Variants in NBEAL1 observed in about 807,000 individuals in gnomAD.
NBEAL1 encodes the protein neurobeachin-like protein 1.
A neutral mutation model predicts 351.3 loss-of-function variants in NBEAL1; 273 were observed. The observed-to-expected ratio is 0.78, with a 90% CI of 0.70 to 0.86. NBEAL1 has a LOEUF of 0.86. NBEAL1 is among the 40% of genes least tolerant of loss of function. The pLI, the probability that NBEAL1 is intolerant of heterozygous loss-of-function variation, is 0.00. For synonymous variants in NBEAL1, 1,050 were observed against 1,086.4 expected (o/e 0.97, Z 0.66); for missense variants, 2,961 against 3,201.3 (o/e 0.92, Z 1.81).
intron 7 of NBEAL1, among the ~76,000 whole-genome samples, chr2:203,076,874 G>A (rs1409815250): frequency 6.6e-6 from 1 of 151,836 alleles, no homozygotes; most frequent in African/African-American, 2.4e-5. Flanking sequence ...TTACAGGCAT[G>A]AGCCACTGCG....
intron 46 of NBEAL1, among the ~76,000 whole-genome samples, chr2:203,192,707 C>T (rs2065125458): frequency 6.6e-6 from 1 of 152,056 alleles, no homozygotes; most frequent in Non-Finnish European, 1.5e-5. Context: ...TATTTTAGTA[C>T]TTACAGCTTT....
At chr2:203,165,791 C>G (rs1023630342) in intron 36 of NBEAL1, among the ~76,000 whole-genome samples, 2 of 151,978 alleles carry the variant, frequency 1.3e-5, no homozygotes, top group Non-Finnish European at 2.9e-5. Flanking sequence ...GCATATTATC[C>G]CAGCAGTTTG....
At chr2:203,049,323 C>T (rs1179565968) in intron 3 of NBEAL1, among the ~76,000 whole-genome samples, 1 of 152,162 alleles carries the variant, frequency 6.6e-6, no homozygotes, top group East Asian at 1.9e-4. Flanking sequence ...TCCAAAAGTG[C>T]TGGGATTACA....
Position 203,056,466 on chromosome 2 carries a change from CATTA to C in NBEAL1, c.350_353del (p.Asn117MetfsTer5), listed in dbSNP as rs965136862. ...TGGAAGAAATTGGGACTTGCTCGTA[CATTA>C]ATTATGTCATCACCATGACAACACT... On this transcript the variant is annotated frameshift_variant, in exon 5 of 56. Coordinates refer to ENST00000683969, the MANE Select transcript of NBEAL1 (RefSeq NM_001378026.1). LOFTEE classifies it high-confidence loss of function. The C allele has an allele frequency of 1.7e-5, 27 of 1,550,708 alleles. No homozygotes were observed. Among genetic ancestry groups the C allele is most frequent in the Admixed American group, 1.4e-4 (7 of 50,964 alleles).
In NBEAL1 at chr2:203,218,104, G is replaced by A. The variant is rs2065916980; in HGVS notation, c.*750G>A. On this transcript the variant is annotated 3_prime_UTR_variant, in exon 56 of 56. Transcript: ENST00000683969. The stretch of plus-strand genomic sequence containing the variant: ...AGCATTTGCAGCACAATTTGCATTT[G>A]CAAAGTTCCGAATTTCTTGACTCTT... 7.9e-6 allele frequency: 2 copies of A among 251,840 alleles called. No individual in the cohort carries two copies. The highest frequency in any genetic ancestry group is 1.3e-5 in the Non-Finnish European group (2 of 159,474). 15.6% of individuals were successfully genotyped at this position (251,840 alleles called of 1,614,324 possible).
rs769244701 is a variant in NBEAL1 at position 203,078,238 on chromosome 2, GTA to G, written c.684+405_684+406del. ...TAATACTAAATGTATTTTTGTAAGT[GTA>G]TATGTTTTTTTTTCAACAAATCCAA... On this transcript the variant is annotated intron_variant, in intron 8 of 55. Transcript: ENST00000683969. 1.1e-4 allele frequency among the ~76,000 whole-genome samples: 16 copies of G among 151,900 alleles called. No individual in the cohort carries two copies. The East Asian group carries it at 2.7e-3, about 26-fold the overall frequency.
rs954514814 is a variant in NBEAL1, at chr2:203,220,903, G to A, written c.*3549G>A. ...CTGTTAACTTTGTTTAGGTCACAGT[G>A]CAGTGCATCCTTTTGTAGAAGAAAA... On this transcript the variant is annotated 3_prime_UTR_variant, in exon 56 of 56. Transcript: ENST00000683969. Among the ~76,000 whole-genome samples the A allele has an allele frequency of 6.6e-6, 1 of 152,150 alleles. No individual in the cohort carries two copies. The highest frequency in any genetic ancestry group is 2.4e-5 in the African/African-American group (1 of 41,440).
At position 203,067,057 on chromosome 2, in the gene NBEAL1, G is replaced by A. The variant is rs1378829242; in HGVS notation, c.516-1336G>A. Among the ~76,000 whole-genome samples the A allele has an allele frequency of 3.4e-5, 5 of 147,810 alleles. No individual in the cohort carries two copies. The East Asian group carries it at 8.1e-4, about 24-fold the overall frequency. The stretch of plus-strand genomic sequence containing the variant: ...ACCTCCCAGAAGGGGCGGCCGGGCA[G>A]AGGCACCCACTTCCCAGACAGGGCA... On this transcript the variant is annotated intron_variant, in intron 6 of 55. Coordinates refer to ENST00000683969, the MANE Select transcript of NBEAL1 (RefSeq NM_001378026.1).
intron 23 of NBEAL1, among the ~76,000 whole-genome samples, chr2:203,127,197 T>TA (rs2062957999): frequency 6.6e-6 from 1 of 152,238 alleles, no homozygotes; most frequent in Non-Finnish European, 1.5e-5. Flanking sequence ...AGAAAACTGT[T>TA]ACCTCCTTTG....
chr2:203,137,741 T>A (rs2063251380), intron 29 of NBEAL1, among the ~76,000 whole-genome samples: 1 of 152,102 alleles, frequency 6.6e-6, no homozygotes, highest in Non-Finnish European at 1.5e-5. Context: ...CCCAGCACTC[T>A]GGGAGGCTAA....
chr2:203,120,156 T>C (rs2106267827), intron 18 of NBEAL1, among the ~76,000 whole-genome samples: 2 of 152,306 alleles, frequency 1.3e-5, no homozygotes, highest in East Asian at 3.9e-4. Context: ...ATTTATGGGG[T>C]GTTAACAATA....
Position 203,201,572 on chromosome 2 carries a change from C to T in NBEAL1, c.7268C>T (p.Ala2423Val). Residue 2423 changes from alanine (A) to valine (V), a missense_variant, in exon 50 of 56, where the codon GCT becomes GTT. Coordinates refer to ENST00000683969, the MANE Select transcript of NBEAL1 (RefSeq NM_001378026.1). ...CAGCGCAGTATAAATGGTTCTTTTGCTCCCGGGCTAGAGATCACTTCTAAG... is the reference window on the plus strand; with the variant it reads ...CAGCGCAGTATAAATGGTTCTTTTGTTCCCGGGCTAGAGATCACTTCTAAG... ...KTQRSINGSF[A>V]PGLEITSKLF... is the part of the protein sequence containing the mutation. 2 of 1,597,444 alleles carry T rather than the reference C, an allele frequency of 1.3e-6. No individual in the cohort carries two copies. Among genetic ancestry groups the T allele is most frequent in the Non-Finnish European group, 1.7e-6 (2 of 1,171,830 alleles).
intron 51 of NBEAL1, among the ~76,000 whole-genome samples, chr2:203,206,482 ACTG>A (rs1462720735): frequency 6.6e-6 from 1 of 151,828 alleles, no homozygotes; most frequent in Non-Finnish European, 1.5e-5. Flanking sequence ...GCTGGACTGT[ACTG>A]CTGCCATCTC....
At chr2:203,040,420 A>G in intron 2 of NBEAL1, 1 of 719,216 alleles carries the variant, frequency 1.4e-6, no homozygotes, top group Non-Finnish European at 2.5e-6. Flanking sequence ...ACCGGTGGAG[A>G]GAACCGTTGT....
intron 2 of NBEAL1, among the ~76,000 whole-genome samples, chr2:203,033,419 G>C (rs1030594980): frequency 3.9e-5 from 6 of 152,206 alleles, no homozygotes; most frequent in Admixed American, 3.3e-4. Context: ...ATATTGAACA[G>C]GCCACTATCC....
chr2:203,215,115 T>G (rs892462110), intron 55 of NBEAL1, among the ~76,000 whole-genome samples: 1 of 152,142 alleles, frequency 6.6e-6, no homozygotes, highest in Non-Finnish European at 1.5e-5. Context: ...CCCAGCACTT[T>G]GGAAGGCCAA....
At chr2:203,189,804 A>G (rs1418287139) in intron 45 of NBEAL1, among the ~76,000 whole-genome samples, 1 of 151,908 alleles carries the variant, frequency 6.6e-6, no homozygotes, top group Non-Finnish European at 1.5e-5. Flanking sequence ...CCTTTTCACA[A>G]TGTTGTAAAT....
At chr2:203,077,624 C>G in intron 7 of NBEAL1, 128 bp from the exon 8 acceptor site, 2 of 488,248 alleles carry the variant, frequency 4.1e-6, no homozygotes, top group East Asian at 3.8e-5. Context: ...GCATATCAAC[C>G]TTGGCTTTTA....
In NBEAL1 at chr2:203,179,058, A is replaced by G. The variant is rs561723977; in HGVS notation, c.6465-1324A>G. On this transcript the variant is annotated intron_variant, in intron 42 of 55. Transcript: ENST00000683969. Reference sequence around the variant, plus strand: ...TCTGTTAAGATCAGCTCTGCTTCAAACCAAGATTAAATAGGTGTAAAACAC... The same window carrying G: ...TCTGTTAAGATCAGCTCTGCTTCAAGCCAAGATTAAATAGGTGTAAAACAC... 3.9e-5 allele frequency among the ~76,000 whole-genome samples: 6 copies of G among 152,356 alleles called. No homozygotes were observed. The South Asian group carries it at 1.2e-3, about 32-fold the overall frequency.
Sources: gnomAD v4.1 joint callset for allele counts (sites outside exome capture counted in the v4.1 genomes callset) on GRCh38, gnomAD v4.1.1 for gene constraint, MANE v1.5 for transcripts, NCBI Gene and HGNC (gene_info 2026-07-23, HGNC 2026-07-21) for gene names.